The following EIF2AK3 variants were observed in gnomAD, a reference collection of about 807,000 sequenced individuals.
EIF2AK3 encodes eukaryotic translation initiation factor 2-alpha kinase 3.
Under a neutral mutation model 113.5 loss-of-function variants are expected in EIF2AK3, and 50 were observed. The ratio of observed to expected loss-of-function variants is 0.44; its 90% CI spans 0.35 to 0.56. The LOEUF (loss-of-function observed/expected upper bound fraction) is 0.56. Among genes scored for constraint, EIF2AK3 ranks in the 20% least tolerant of loss-of-function variants. EIF2AK3 has a pLI of 0.00. For synonymous variants in EIF2AK3, 448 were observed against 495.4 expected, an observed-to-expected ratio of 0.90 and a Z score of 1.27; for missense variants, 1,185 against 1,378.0, an observed-to-expected ratio of 0.86 and a Z score of 2.22.
At position 88,585,952 on chromosome 2, in the gene EIF2AK3, C is replaced by T. The variant is rs55716350; in HGVS notation, c.1539G>A (p.Lys513=). ...NPHYNKNIRK[K]DPVLLLHWWK... ...ACCAGTGTAAAAGAAGAACAGGATC[C>T]TTTTTGCGGATATTCTTGTTGTAAT... The change falls in exon 9 of 17, where the codon AAG becomes AAA. Residue 513 remains lysine, a synonymous_variant. Transcript: ENST00000303236. 974 of 1,614,062 alleles carry T rather than the reference C, an allele frequency of 6.0e-4. 11 individuals carry two copies. The East Asian group carries it at 0.02, about 32-fold the overall frequency.
chr2:88,618,444 A>C (rs1446955318), intron 1 of EIF2AK3, among the ~76,000 whole-genome samples: 1 of 152,188 alleles, frequency 6.6e-6, no homozygotes, highest in Non-Finnish European at 1.5e-5. Flanking sequence ...GCTTCATTCG[A>C]GTTATTTTTT....
intron 2 of EIF2AK3, among the ~76,000 whole-genome samples, chr2:88,606,967 G>A (rs1452936364): frequency 6.6e-6 from 1 of 152,044 alleles, no homozygotes; most frequent in Non-Finnish European, 1.5e-5. Context: ...AGGAAAAAAA[G>A]GGCATATTTA....
chr2:88,587,204 CAAAAAAAAAA>C (rs780050125), intron 8 of EIF2AK3, among the ~76,000 whole-genome samples: 6 of 30,262 alleles, frequency 2.0e-4, no homozygotes, highest in Admixed American at 4.4e-4. Flanking sequence ...AACTCCATCT[CAAAAAAAAAA>C]AAAAAAAAAA....
At chr2:88,581,151 AAC>A (rs1178764577) in intron 10 of EIF2AK3, among the ~76,000 whole-genome samples, 2 of 151,998 alleles carry the variant, frequency 1.3e-5, no homozygotes, top group African/African-American at 4.8e-5. Context: ...TCATGTTCTT[AAC>A]AGTGCCTAGG....
chr2:88,624,736 AACCCCTT>A (rs1675816985), intron 1 of EIF2AK3: 1 of 152,194 alleles, frequency 6.6e-6, no homozygotes, highest in Non-Finnish European at 1.5e-5. Context: ...TCCAACACCA[AACCCCTT>A]ACCTTTTCTT....
At chr2:88,590,663 A>T (rs979856013) in intron 5 of EIF2AK3, 58 bp from the exon 6 acceptor site, 1 of 1,590,920 alleles carries the variant, frequency 6.3e-7, no homozygotes, top group African/African-American at 1.3e-5. Flanking sequence ...TATAGTTCCA[A>T]CCCATAAAAT....
rs757848261 is a variant in EIF2AK3, at chr2:88,588,028, A to G, written c.1383T>C (p.His461=). Reference sequence around the variant, plus strand: ...AAAGTGCACCATTACTATATTCTTCATGAGAAAACTTATCATTACTGAGAC... The same window carrying G: ...AAAGTGCACCATTACTATATTCTTCGTGAGAAAACTTATCATTACTGAGAC... ...DKCLSNDKFS[H]EEYSNGALSI... The change falls in exon 8 of 17, where the codon CAT becomes CAC. Residue 461 remains histidine, a synonymous_variant. Transcript: ENST00000303236. 1 of 1,589,228 alleles carries G rather than the reference A, an allele frequency of 6.3e-7. No individual in the cohort carries two copies. Among genetic ancestry groups the G allele is most frequent in the East Asian group, 2.3e-5 (1 of 44,248 alleles).
At chr2:88,597,645 C>G (rs1286241685) in intron 2 of EIF2AK3, among the ~76,000 whole-genome samples, 1 of 152,320 alleles carries the variant, frequency 6.6e-6, no homozygotes, top group African/African-American at 2.4e-5. Context: ...TCTGGAACAT[C>G]CTTCTGTACC....
chr2:88,588,801 T>C lies in EIF2AK3; in HGVS notation c.1266A>G (p.Ala422=). The C allele has an allele frequency of 1.2e-6, 2 of 1,613,814 alleles. No individual in the cohort carries two copies. The highest frequency in any genetic ancestry group is 1.7e-6 in the Non-Finnish European group (2 of 1,179,838). Residue 422 remains alanine (A), a synonymous_variant, in exon 7 of 17, where the codon GCA becomes GCG. Transcript: ENST00000303236. The part of the protein sequence containing the change: ...KALESVTNEN[A]IIPLPTIKWK... ...ATTTGATTGTTGGTAAAGGAATAAT[T>C]GCGTTTTCATTAGTGACAGATTCCA...
chr2:88,600,336 G>A (rs957345049), intron 2 of EIF2AK3, among the ~76,000 whole-genome samples: 1 of 152,084 alleles, frequency 6.6e-6, no homozygotes, highest in Non-Finnish European at 1.5e-5. Flanking sequence ...GCATAGGAAT[G>A]AGTCACCCGA....
chr2:88,574,477 C>T lies in EIF2AK3; in HGVS notation c.2817+189G>A, dbSNP rs151281191. 1.8e-3 allele frequency: 1,159 copies of T among 658,226 alleles called. 6 individuals are homozygous for T. The highest frequency in any genetic ancestry group is 2.4e-3 in the Non-Finnish European group (942 of 388,452). 40.8% of individuals were successfully genotyped at this position (658,226 alleles called of 1,614,324 possible). A position where few individuals can be genotyped will look rare whatever the true frequency, so the allele number is the denominator to read the frequency against. On this transcript the variant is annotated intron_variant, in intron 13 of 16. Coordinates refer to ENST00000303236, the MANE Select transcript of EIF2AK3 (RefSeq NM_004836.7). ...TGAAGACAATGAATGCATGGTTTGC[C>T]TAAAGTTTTCAGACATAAGACTTCT...
intron 2 of EIF2AK3, among the ~76,000 whole-genome samples, chr2:88,599,365 C>A (rs1298417966): frequency 1.3e-5 from 2 of 151,910 alleles, no homozygotes; most frequent in Admixed American, 6.6e-5. Flanking sequence ...AAAATTAAAA[C>A]CTTTATTTTT....
In EIF2AK3 at chr2:88,627,206, G is replaced by A. The variant is rs549451772; in HGVS notation, c.69C>T (p.Leu23=). The change falls in exon 1 of 17, where the codon CTC becomes CTT. Residue 23 remains leucine, a synonymous_variant. Coordinates refer to ENST00000303236, the MANE Select transcript of EIF2AK3 (RefSeq NM_004836.7). The stretch of plus-strand genomic sequence containing the variant: ...GCCCCGCGGCCACCGTCCTTGCCGC[G>A]AGCCCCAGCAGCAGCAGCAGCAGCA... ...ALLLLLLLLG[L]AARTVAAGRA... The A allele has an allele frequency of 4.6e-4, 653 of 1,419,892 alleles. 4 individuals carry two copies. In the African/African-American group the frequency reaches 0.012, roughly 25 times the overall value. 88.0% of individuals were successfully genotyped at this position (1,419,892 alleles called of 1,614,324 possible).
intron 10 of EIF2AK3, among the ~76,000 whole-genome samples, chr2:88,582,619 T>C (rs905631987): frequency 3.3e-5 from 5 of 152,194 alleles, no homozygotes; most frequent in African/African-American, 1.2e-4. Flanking sequence ...TCTATATCTA[T>C]ATAGAAGTAT....
intron 13 of EIF2AK3, chr2:88,574,379 C>CT (rs1172697500): frequency 2.2e-6 from 1 of 451,162 alleles, no homozygotes; most frequent in African/African-American, 2.0e-5. Context: ...CCTAAAGATT[C>CT]TTTTTTCTTT....
Position 88,556,800 on chromosome 2 carries a change from AC to A in EIF2AK3, c.*935del, listed in dbSNP as rs1673789018. On this transcript the variant is annotated 3_prime_UTR_variant, in exon 17 of 17. Transcript: ENST00000303236. The stretch of plus-strand genomic sequence containing the variant: ...CTTGAAAGAAGTCACAAGTTAACAC[AC>A]TTAAGTGTGTTCTGTACACCACCAA... 6.6e-6 allele frequency: 1 copy of A among 152,342 alleles called. No individual in the cohort carries two copies. The highest frequency in any genetic ancestry group is 1.9e-4 in the East Asian group (1 of 5,194). 9.4% of individuals were successfully genotyped at this position (152,342 alleles called of 1,614,324 possible).
intron 1 of EIF2AK3, 105 bp downstream of exon 1, chr2:88,626,862 A>G: frequency 6.8e-7 from 1 of 1,460,002 alleles, no homozygotes; most frequent in Non-Finnish European, 9.2e-7. Flanking sequence ...TCCGCAGCCG[A>G]GGGAAGACGC....
chr2:88,606,038 G>C (rs1011844365), intron 2 of EIF2AK3, among the ~76,000 whole-genome samples: 1 of 152,136 alleles, frequency 6.6e-6, no homozygotes, highest in African/African-American at 2.4e-5. Context: ...CCTCTGCAAT[G>C]ATTTGGTATT....
intron 8 of EIF2AK3, 40 bp from the exon 9 acceptor site, chr2:88,586,101 T>C (rs773004375): frequency 2.9e-5 from 44 of 1,496,074 alleles, no homozygotes; most frequent in Non-Finnish European, 4.1e-5. Flanking sequence ...TTAAAGGTAA[T>C]CAAAAATAGG....
Sources: gnomAD v4.1 joint callset for allele counts (sites outside exome capture counted in the v4.1 genomes callset) on GRCh38, gnomAD v4.1.1 for gene constraint, MANE v1.5 for transcripts, NCBI Gene and HGNC (gene_info 2026-07-23, HGNC 2026-07-21) for gene names.